Variants in CD46 observed in about 807,000 individuals in gnomAD.
CD46 encodes the protein CD46 molecule.
In CD46, 30 loss-of-function variants were observed where a neutral mutation model predicts 53.3. That is an observed-to-expected ratio of 0.56 (90% confidence interval 0.42 to 0.76). The LOEUF (loss-of-function observed/expected upper bound fraction) is 0.76, where lower values mean the gene tolerates loss of function less well. Among genes scored for constraint, CD46 ranks in the 30% least tolerant of loss-of-function variants. The pLI is 0.00. For synonymous variants in CD46, 142 were observed against 152.0 expected, an observed-to-expected ratio of 0.93 and a Z score of 0.48; for missense variants, 409 against 463.0, an observed-to-expected ratio of 0.88 and a Z score of 1.07.
At chr1:207,759,763 C>T (rs1655979849) in intron 4 of CD46, 39 bp downstream of exon 4, 1 of 1,262,196 alleles carries the variant, frequency 7.9e-7, no homozygotes, top group Non-Finnish European at 1.2e-6. Context: ...GACCAGTAGT[C>T]CTCAAAGATT....
chr1:207,775,878 C>A (rs1658046464), intron 8 of CD46, among the ~76,000 whole-genome samples: 1 of 152,208 alleles, frequency 6.6e-6, no homozygotes, highest in Admixed American at 6.5e-5. Context: ...ATGCCATGTT[C>A]AGAGCACCAC....
chr1:207,758,875 T>C (rs1655866126), intron 3 of CD46, among the ~76,000 whole-genome samples: 1 of 152,096 alleles, frequency 6.6e-6, no homozygotes, highest in Admixed American at 6.6e-5. Context: ...TATTGAGAAA[T>C]AATATATACT....
chr1:207,792,632 T>G (rs1305430993), intron 12 of CD46, among the ~76,000 whole-genome samples: 1 of 152,218 alleles, frequency 6.6e-6, no homozygotes, highest in Non-Finnish European at 1.5e-5. Flanking sequence ...GGAAAGGCAA[T>G]GTGTTTGCTG....
intron 5 of CD46, among the ~76,000 whole-genome samples, chr1:207,764,387 C>T (rs115294831): frequency 2.0e-5 from 3 of 152,292 alleles, no homozygotes; most frequent in African/African-American, 4.8e-5. Context: ...AATGGCCGCT[C>T]GATCTTGAGA....
Position 207,752,078 on chromosome 1 carries a change from C to T in CD46, c.-135C>T. 2.2e-6 allele frequency: 2 copies of T among 914,878 alleles called. No homozygotes were observed. The highest frequency in any genetic ancestry group is 2.4e-5 in the East Asian group (1 of 41,772). 56.7% of individuals were successfully genotyped at this position (914,878 alleles called of 1,614,324 possible). A position where few individuals can be genotyped will look rare whatever the true frequency, so the allele number is the denominator to read the frequency against. Reference sequence around the variant, plus strand: ...CGCGGCTCGGGCCACGCCCACCTGTCCTGCAGCACTGGATGCTTTGTGAGT... The same window carrying T: ...CGCGGCTCGGGCCACGCCCACCTGTTCTGCAGCACTGGATGCTTTGTGAGT... On this transcript the variant is annotated 5_prime_UTR_variant, in exon 1 of 13. Coordinates refer to ENST00000367042, the MANE Select transcript of CD46 (RefSeq NM_172351.3). The surrounding 1 kb of genome is among the most constrained non-coding windows in gnomAD (Gnocchi z 4.1).
intron 9 of CD46, among the ~76,000 whole-genome samples, chr1:207,784,596 A>T (rs1003570615): frequency 4.7e-4 from 71 of 151,890 alleles, no homozygotes; most frequent in African/African-American, 1.3e-3. Context: ...TATATAAAAA[A>T]TTTTTTTTTC....
At chr1:207,767,878 T>C in intron 7 of CD46, 55 bp downstream of exon 7, 1 of 1,370,020 alleles carries the variant, frequency 7.3e-7, no homozygotes, top group Non-Finnish European at 1.0e-6. Context: ...TCCTGGTGAT[T>C]TTTTATAAAA....
intron 5 of CD46, among the ~76,000 whole-genome samples, chr1:207,764,084 A>C (rs1183366447): frequency 6.6e-6 from 1 of 152,114 alleles, no homozygotes; most frequent in Non-Finnish European, 1.5e-5. Flanking sequence ...AATCTTTGGA[A>C]ATCACAGGCA....
intron 11 of CD46, among the ~76,000 whole-genome samples, chr1:207,788,379 A>C (rs1338522236): frequency 7.0e-6 from 1 of 142,620 alleles, no homozygotes; most frequent in Admixed American, 7.1e-5. Flanking sequence ...AAAAAAAAAA[A>C]TAGTGGCGGG....
intron 8 of CD46, among the ~76,000 whole-genome samples, chr1:207,779,780 T>G (rs1658525873): frequency 6.6e-6 from 1 of 152,080 alleles, no homozygotes; most frequent in South Asian, 2.1e-4. Flanking sequence ...ATAGCACCAT[T>G]TTTTGAATAA....
chr1:207,768,209 CTTAAA>C (rs1657077471), intron 7 of CD46: 1 of 193,098 alleles, frequency 5.2e-6, no homozygotes, highest in East Asian at 1.3e-4. Flanking sequence ...TTATCCTACA[CTTAAA>C]TTAATGTTAG....
intron 8 of CD46, among the ~76,000 whole-genome samples, chr1:207,779,105 G>A (rs556687329): frequency 3.2e-4 from 49 of 152,252 alleles, no homozygotes; most frequent in East Asian, 1.7e-3. Flanking sequence ...TGGTGTATAG[G>A]AATGCTAGTG....
intron 8 of CD46, among the ~76,000 whole-genome samples, chr1:207,776,254 ACT>A (rs1658090508): frequency 6.6e-6 from 1 of 152,184 alleles, no homozygotes; most frequent in Non-Finnish European, 1.5e-5. Context: ...TCAGGAGTGT[ACT>A]GTTTCTCCAG....
At chr1:207,784,071 T>A (rs1188478999) in intron 9 of CD46, among the ~76,000 whole-genome samples, 1 of 152,246 alleles carries the variant, frequency 6.6e-6, no homozygotes, top group Non-Finnish European at 1.5e-5. Context: ...CAAATTTCTC[T>A]GTATATTTTT....
chr1:207,766,593 G>A (rs1253423761), intron 5 of CD46, among the ~76,000 whole-genome samples: 1 of 152,108 alleles, frequency 6.6e-6, no homozygotes, highest in African/African-American at 2.4e-5. Context: ...AGGAGATTCA[G>A]TGAACCTTCA....
chr1:207,782,614 T>C (rs1034034610), intron 8 of CD46, among the ~76,000 whole-genome samples: 2 of 150,560 alleles, frequency 1.3e-5, no homozygotes, highest in Admixed American at 1.3e-4. Context: ...AGGTCAACTC[T>C]AAAGCATTTA....
intron 5 of CD46, among the ~76,000 whole-genome samples, chr1:207,766,431 A>G (rs1028529861): frequency 2.6e-5 from 4 of 152,156 alleles, no homozygotes; most frequent in Non-Finnish European, 5.9e-5. Context: ...AAAGAAAGAG[A>G]GAGGCTTACA....
chr1:207,794,974 A>G lies in CD46; in HGVS notation c.*1497A>G, dbSNP rs1370957903. 4.6e-5 allele frequency: 7 copies of G among 152,248 alleles called. No individual in the cohort carries two copies. Among genetic ancestry groups the G allele is most frequent in the Admixed American group, 4.6e-4 (7 of 15,284 alleles). The allele number at this position is 152,248 out of a possible 1,614,324, so 9.4% of individuals were successfully genotyped here. A position where few individuals can be genotyped will look rare whatever the true frequency, so the allele number is the denominator to read the frequency against. On this transcript the variant is annotated 3_prime_UTR_variant, in exon 13 of 13. Coordinates refer to ENST00000367042, the MANE Select transcript of CD46 (RefSeq NM_172351.3). ...TTTTACTGTCCAAAGACATGTTTAT[A>G]GTGCTCTGTAAATGTTCCTTTCCTT...
rs892646536 is a variant in CD46 at position 207,782,245 on chromosome 1, T to C, written c.944-1047T>C. On this transcript the variant is annotated intron_variant, in intron 8 of 12. Transcript: ENST00000367042. ...CATTGTTAGTGTATAGAAATACAAC[T>C]GAGTTTTGTATGTTGATTTTGTAAC... Among the ~76,000 whole-genome samples the C allele has an allele frequency of 3.9e-5, 6 of 152,344 alleles. No homozygotes were observed. The Middle Eastern group carries it at 0.01, about 259-fold the overall frequency.
Sources: allele counts gnomAD v4.1 joint callset (sites outside exome capture counted in the v4.1 genomes callset), GRCh38; gene constraint gnomAD v4.1.1; non-coding constraint Gnocchi (gnomAD v3.1); transcripts MANE v1.5; gene names NCBI Gene and HGNC (gene_info 2026-07-23, HGNC 2026-07-21).